The following MZT2A variants were observed in gnomAD, a reference collection of about 807,000 sequenced individuals.
MZT2A encodes mitotic-spindle organizing protein 2A.
A neutral mutation model predicts 12.4 loss-of-function variants in MZT2A; 8 were observed. The observed-to-expected ratio is 0.64, with a 90% CI of 0.38 to 1.16. MZT2A has a LOEUF of 1.16. Among genes scored for constraint, MZT2A ranks in the 50% most tolerant of loss-of-function variants. The pLI is 0.01. For synonymous variants in MZT2A, 88 were observed against 107.5 expected (o/e 0.82, Z 1.12); for missense variants, 181 against 223.6 (o/e 0.81, Z 1.22).
Position 131,484,161 on chromosome 2 carries a change from T to A in MZT2A, c.377A>T (p.Asn126Ile). The part of the protein sequence containing the change: ...GGVLALAERS[N>I]HEGSSQRMPR... ...CATCCTCTGGCTGGATCCCTCGTGG[T>A]TGCTGCGTTCCGCCAGGGCCAATAC... is the stretch of plus-strand genomic sequence containing the variant. The change falls in exon 3 of 3, where the codon AAC becomes ATC. Residue 126 changes from asparagine to isoleucine, a missense_variant. Transcript: ENST00000309451. 1 of 1,614,132 alleles carries A rather than the reference T, an allele frequency of 6.2e-7. No homozygotes were observed. Among genetic ancestry groups the A allele is most frequent in the South Asian group, 1.1e-5 (1 of 91,084 alleles).
chr2:131,485,082 C>G (rs994840221), intron 2 of MZT2A, among the ~76,000 whole-genome samples: 8 of 152,270 alleles, frequency 5.3e-5, no homozygotes, highest in African/African-American at 1.9e-4. Context: ...GCAGGCTTGC[C>G]CGTGGGGTCA....
chr2:131,478,623 G>C (rs1678750699), intron 2 of MZT2A: 2 of 712,042 alleles, frequency 2.8e-6, no homozygotes, highest in Admixed American at 6.1e-5. Context: ...AGTAAGATGG[G>C]CTGTGAAGAG....
upstream of MZT2A, among the ~76,000 whole-genome samples, chr2:131,493,693 A>G (rs1010139712): frequency 1.3e-5 from 2 of 151,956 alleles, no homozygotes; most frequent in Non-Finnish European, 2.9e-5. Flanking sequence ...AACAAAAAAA[A>G]CAAACGGGTC....
chr2:131,490,799 T>G, intron 2 of MZT2A: 35 of 1,549,930 alleles, frequency 2.3e-5, no homozygotes, highest in Non-Finnish European at 3.1e-5. Flanking sequence ...AGCTGGGCTG[T>G]GGAGCATAAC....
chr2:131,479,107 T>G (rs2313990), downstream of MZT2A, among the ~76,000 whole-genome samples: 7 of 152,264 alleles, frequency 4.6e-5, no homozygotes, highest in Admixed American at 3.9e-4. Flanking sequence ...TGAGTTTAAC[T>G]TTGTAGAGTC....
chr2:131,486,694 C>T (rs1311114560), intron 2 of MZT2A: 1 of 151,858 alleles, frequency 6.6e-6, no homozygotes, highest in Non-Finnish European at 1.5e-5. Flanking sequence ...GATGCAATCA[C>T]AGTTCATTGC....
At chr2:131,483,930 A>T (rs111723113), downstream of MZT2A, 61 of 106,580 alleles carry the variant, frequency 5.7e-4, no homozygotes, top group African/African-American at 3.8e-3. Context: ...GCCTTAATAT[A>T]AAAAAAAAAA....
chr2:131,480,934 T>C (rs2104726363), downstream of MZT2A, among the ~76,000 whole-genome samples: 1 of 152,178 alleles, frequency 6.6e-6, no homozygotes, highest in African/African-American at 2.4e-5. Flanking sequence ...GAGACAGTCT[T>C]GCTCTGTCAA....
intron 2 of MZT2A, among the ~76,000 whole-genome samples, chr2:131,489,130 C>T (rs567713547): frequency 1.6e-4 from 24 of 152,356 alleles, no homozygotes; most frequent in African/African-American, 5.8e-4. Flanking sequence ...CCTGTGTAAC[C>T]CTTGCTGCTC....
intron 2 of MZT2A, among the ~76,000 whole-genome samples, chr2:131,488,455 G>A (rs1679143069): frequency 6.6e-6 from 1 of 152,176 alleles, no homozygotes. Context: ...ACAGAGGCAA[G>A]CTCGAGAGGG....
chr2:131,476,223 G>A (rs1243515037), intron 2 of MZT2A: 5 of 1,613,792 alleles, frequency 3.1e-6, no homozygotes, highest in Admixed American at 1.7e-5. Context: ...GGTCACTCCC[G>A]CCCCGCAGAT....
At chr2:131,475,893 C>T (rs1276863565) in intron 2 of MZT2A, among the ~76,000 whole-genome samples, 4 of 152,190 alleles carry the variant, frequency 2.6e-5, no homozygotes, top group Admixed American at 6.5e-5. Context: ...GCTGTTCCAA[C>T]CCTGGTCAGA....
chr2:131,482,759 C>G, downstream of MZT2A: 2 of 1,614,114 alleles, frequency 1.2e-6, no homozygotes, highest in Non-Finnish European at 1.7e-6. Context: ...CTCTGAGGCC[C>G]GCGAGGACCT....
At chr2:131,482,369 T>C (rs541672527), downstream of MZT2A, among the ~76,000 whole-genome samples, 1 of 152,308 alleles carries the variant, frequency 6.6e-6, no homozygotes, top group South Asian at 2.1e-4. Flanking sequence ...CAAGGTTCCT[T>C]TCTCTATTCC....
chr2:131,491,389 C>A, intron 2 of MZT2A: 1 of 268,894 alleles, frequency 3.7e-6, no homozygotes, highest in South Asian at 4.4e-5. Flanking sequence ...GCTCCCTGGG[C>A]ACTTCCCTGG....
chr2:131,478,293 G>A lies in MZT2A; in HGVS notation c.279-6111C>T, dbSNP rs774049616. On this transcript the variant is annotated intron_variant and NMD_transcript_variant, in intron 2 of 4. Coordinates refer to the MZT2A transcript ENST00000427024. The stretch of plus-strand genomic sequence containing the variant: ...GCCAAGTGATAAAACCATTGGTGGC[G>A]GGGACGACTCCTTCAACACGTTCTT... The A allele has an allele frequency of 9.9e-6, 16 of 1,613,870 alleles. No individual in the cohort carries two copies. In the South Asian group the frequency reaches 1.1e-4, roughly 11 times the overall value.
chr2:131,491,265 G>A (rs1679286674), intron 2 of MZT2A: 1 of 355,492 alleles, frequency 2.8e-6, no homozygotes, highest in African/African-American at 2.1e-5. Context: ...AGGCCCTTCA[G>A]ACCCCGCAGG....
chr2:131,492,785 G>GGC, upstream of MZT2A: 1 of 1,354,882 alleles, frequency 7.4e-7, no homozygotes. Flanking sequence ...GCTCTTCGGG[G>GGC]GGGGTGGGGG....
At chr2:131,480,956 T>G (rs1024283845), downstream of MZT2A, among the ~76,000 whole-genome samples, 1 of 151,646 alleles carries the variant, frequency 6.6e-6, no homozygotes, top group Non-Finnish European at 1.5e-5. Context: ...CAGGCTGGAG[T>G]GCAGTGGTGC....
Sources: gnomAD v4.1 joint callset for allele counts (sites outside exome capture counted in the v4.1 genomes callset) on GRCh38, gnomAD v4.1.1 for gene constraint, MANE v1.5 for transcripts, NCBI Gene and HGNC (gene_info 2026-07-23, HGNC 2026-07-21) for gene names.